Variants in CRACDL observed in about 807,000 individuals in gnomAD.
CRACDL encodes CRACD like.
CRACDL carries 26 observed loss-of-function variants against 70.6 expected under a neutral mutation model. The ratio of observed to expected loss-of-function variants is 0.37; its 90% CI spans 0.27 to 0.51. The LOEUF (loss-of-function observed/expected upper bound fraction) is 0.51, where lower values mean the gene tolerates loss of function less well. Among genes scored for constraint, CRACDL ranks in the 20% least tolerant of loss-of-function variants. The pLI is 0.94. For synonymous variants in CRACDL, 618 were observed against 615.2 expected (o/e 1.00, Z -0.07); for missense variants, 1,283 against 1,376.9 (o/e 0.93, Z 1.08).
At chr2:98,818,685 A>G (rs1485064806) in intron 7 of CRACDL, among the ~76,000 whole-genome samples, 2 of 152,272 alleles carry the variant, frequency 1.3e-5, no homozygotes, top group Non-Finnish European at 2.9e-5. Flanking sequence ...GGGAGCAATG[A>G]GAATGATAAT....
At chr2:98,897,858 C>T (rs1354716261) in intron 1 of CRACDL, among the ~76,000 whole-genome samples, 1 of 152,256 alleles carries the variant, frequency 6.6e-6, no homozygotes, top group African/African-American at 2.4e-5. Flanking sequence ...CTCCTGCCCT[C>T]CAGGCGGACA....
At chr2:98,890,716 C>T (rs897989714) in intron 1 of CRACDL, among the ~76,000 whole-genome samples, 32 of 152,290 alleles carry the variant, frequency 2.1e-4, no homozygotes, top group African/African-American at 7.7e-4. Flanking sequence ...ATCTGAAATG[C>T]TGCAATGAGC....
rs548988640 is a variant in CRACDL, at chr2:98,891,376, C to CAAAAAAAAAAAAAAAAAA, written c.-11+44544_-11+44561dup. Among the ~76,000 whole-genome samples, 190 of 37,894 alleles carry CAAAAAAAAAAAAAAAAAA rather than the reference C, an allele frequency of 5.0e-3. 13 individuals carry two copies. The highest frequency in any genetic ancestry group is 6.3e-3 in the Non-Finnish European group (123 of 19,452). The allele number at this position is 37,894 out of a possible 152,430, so 24.9% of individuals were successfully genotyped here. A position where few individuals can be genotyped will look rare whatever the true frequency, so the allele number is the denominator to read the frequency against. On this transcript the variant is annotated intron_variant, in intron 1 of 9. Coordinates refer to ENST00000397899, the MANE Select transcript of CRACDL (RefSeq NM_207362.3). ...TGGGTGACAGAGGGAGACTCCGTCT[C>CAAAAAAAAAAAAAAAAAA]AAAAAAAAAAAAAAAAAAAAAAAAA...
intron 1 of CRACDL, among the ~76,000 whole-genome samples, chr2:98,905,813 C>T (rs781546788): frequency 2.0e-5 from 3 of 152,070 alleles, no homozygotes; most frequent in Non-Finnish European, 4.4e-5. Context: ...GACAGGGTTT[C>T]GCCATGTTGG....
In CRACDL at chr2:98,835,956, C is replaced by T. The variant is rs185731830; in HGVS notation, c.239+2163G>A. Among the ~76,000 whole-genome samples, 7 of 152,300 alleles carry T rather than the reference C, an allele frequency of 4.6e-5. No individual in the cohort carries two copies. The East Asian group carries it at 1.4e-3, about 29-fold the overall frequency. On this transcript the variant is annotated intron_variant, in intron 3 of 9. Transcript: ENST00000397899. ...GGTGACTCATCATGGGATGTGACAA[C>T]AACCAGCACCTGCTTGAACCTGACA...
At chr2:98,876,850 G>A (rs186049323) in intron 1 of CRACDL, among the ~76,000 whole-genome samples, 3 of 152,328 alleles carry the variant, frequency 2.0e-5, no homozygotes, top group African/African-American at 4.8e-5. Flanking sequence ...TCCCAGCACC[G>A]ACAGCATGTG....
rs548988640 is a variant in CRACDL at position 98,891,376 on chromosome 2, C to CAAA, written c.-11+44559_-11+44561dup. Among the ~76,000 whole-genome samples, 40 of 37,882 alleles carry CAAA rather than the reference C, an allele frequency of 1.1e-3. 2 individuals are homozygous for CAAA. The highest frequency in any genetic ancestry group is 1.8e-3 in the East Asian group (3 of 1,636). 24.9% of individuals were successfully genotyped at this position (37,882 alleles called of 152,430 possible). On this transcript the variant is annotated intron_variant, in intron 1 of 9. Transcript: ENST00000397899. ...TGGGTGACAGAGGGAGACTCCGTCTCAAAAAAAAAAAAAAAAAAAAAAAAA... is the reference window on the plus strand; with the variant it reads ...TGGGTGACAGAGGGAGACTCCGTCTCAAAAAAAAAAAAAAAAAAAAAAAAAAAA...
At chr2:98,844,760 T>C (rs539218389) in intron 2 of CRACDL, among the ~76,000 whole-genome samples, 1 of 152,382 alleles carries the variant, frequency 6.6e-6, no homozygotes, top group Non-Finnish European at 1.5e-5. Flanking sequence ...GTCATGATAC[T>C]GAAAATATAT....
At chr2:98,839,873 C>A (rs949993567) in intron 2 of CRACDL, among the ~76,000 whole-genome samples, 1 of 152,056 alleles carries the variant, frequency 6.6e-6, no homozygotes, top group Non-Finnish European at 1.5e-5. Context: ...CTTTTCTCAC[C>A]CTGATATTAA....
intron 7 of CRACDL, among the ~76,000 whole-genome samples, chr2:98,809,337 C>CCGCTTCT (rs1189381326): frequency 6.6e-6 from 1 of 151,976 alleles, no homozygotes; most frequent in Non-Finnish European, 1.5e-5. Context: ...CTGGTTGTGA[C>CCGCTTCT]CGCTTCTCAT....
chr2:98,796,399 G>A, intron 8 of CRACDL, 135 bp from the exon 9 acceptor site: 1 of 810,530 alleles, frequency 1.2e-6, no homozygotes. Context: ...AGGGCGCCCT[G>A]GTGTCAGCTC....
At chr2:98,905,186 C>A (rs1708377444) in intron 1 of CRACDL, among the ~76,000 whole-genome samples, 2 of 147,886 alleles carry the variant, frequency 1.4e-5, no homozygotes. Context: ...GGAGGCGGAG[C>A]TTGCAGTGAG....
At chr2:98,803,077 G>A (rs868022405) in intron 7 of CRACDL, among the ~76,000 whole-genome samples, 2 of 147,958 alleles carry the variant, frequency 1.4e-5, no homozygotes, top group Non-Finnish European at 3.0e-5. Context: ...TAGGCTCACT[G>A]CAAGCTCCGC....
At chr2:98,849,573 G>C (rs1256034626) in intron 1 of CRACDL, among the ~76,000 whole-genome samples, 2 of 151,998 alleles carry the variant, frequency 1.3e-5, no homozygotes, top group African/African-American at 4.8e-5. Flanking sequence ...GCGGAGGGCC[G>C]GGGAGGGGGG....
At chr2:98,867,994 C>T (rs555929802) in intron 1 of CRACDL, among the ~76,000 whole-genome samples, 6 of 152,240 alleles carry the variant, frequency 3.9e-5, no homozygotes, top group African/African-American at 7.2e-5. Flanking sequence ...AATAATGCTC[C>T]GAAGCCTATT....
chr2:98,877,633 C>T lies in CRACDL; in HGVS notation c.-10-30823G>A, dbSNP rs561064351. On this transcript the variant is annotated intron_variant, in intron 1 of 9. Coordinates refer to ENST00000397899, the MANE Select transcript of CRACDL (RefSeq NM_207362.3). ...GTATGGTGGCGGGTGCCTATAGTCC[C>T]AGCAACTCGGGAGGCTGAGACAGGA... 3.5e-3 allele frequency among the ~76,000 whole-genome samples: 529 copies of T among 152,106 alleles called. 2 individuals are homozygous for T. The highest frequency in any genetic ancestry group is 0.012 in the African/African-American group (496 of 41,480).
intron 3 of CRACDL, among the ~76,000 whole-genome samples, chr2:98,836,067 T>A (rs1325463524): frequency 6.6e-6 from 1 of 152,098 alleles, no homozygotes; most frequent in Non-Finnish European, 1.5e-5. Context: ...AAAGCCAGAA[T>A]ATGGGACATT....
rs534080763 is a variant in CRACDL, at chr2:98,842,428, C to T, written c.71-4141G>A. 2.3e-4 allele frequency among the ~76,000 whole-genome samples: 35 copies of T among 150,834 alleles called. No individual in the cohort carries two copies. In the South Asian group the frequency reaches 5.9e-3, roughly 26 times the overall value. On this transcript the variant is annotated intron_variant, in intron 2 of 9. Coordinates refer to ENST00000397899, the MANE Select transcript of CRACDL (RefSeq NM_207362.3). ...TAAAAATTCCTTTGTTTTTCAAATC[C>T]GCTATACCTTGTAAAAAAAACTTAT...
At chr2:98,903,160 C>T (rs1573176291) in intron 1 of CRACDL, among the ~76,000 whole-genome samples, 1 of 152,170 alleles carries the variant, frequency 6.6e-6, no homozygotes, top group East Asian at 1.9e-4. Context: ...CTGCGGAGAG[C>T]TCACTTCTCC....
Sources: allele counts gnomAD v4.1 joint callset (sites outside exome capture counted in the v4.1 genomes callset), GRCh38; gene constraint gnomAD v4.1.1; transcripts MANE v1.5; gene names NCBI Gene and HGNC (gene_info 2026-07-23, HGNC 2026-07-21).